FAM135A: variants seen among roughly 807,000 people sequenced by gnomAD.
FAM135A encodes protein FAM135A.
FAM135A carries 79 observed loss-of-function variants against 146.8 expected under a neutral mutation model. The ratio of observed to expected loss-of-function variants is 0.54; its 90% confidence interval spans 0.45 to 0.65. The LOEUF (loss-of-function observed/expected upper bound fraction) is 0.65, where lower values mean the gene tolerates loss of function less well. Among genes scored for constraint, FAM135A ranks in the 30% least tolerant of loss-of-function variants. FAM135A has a pLI of 0.00. For synonymous variants in FAM135A, 562 were observed against 603.6 expected (o/e 0.93, Z 1.01); for missense variants, 1,623 against 1,758.2 (o/e 0.92, Z 1.38).
At chr6:70,502,517 C>A in intron 11 of FAM135A, 119 bp from the exon 12 acceptor site, 1 of 978,594 alleles carries the variant, frequency 1.0e-6, no homozygotes, top group South Asian at 1.8e-5. Context: ...CATACAAATG[C>A]ACATCTCTTT....
intron 4 of FAM135A, among the ~76,000 whole-genome samples, chr6:70,435,081 G>GTATATATA (rs767689681): frequency 4.2e-5 from 4 of 94,276 alleles, no homozygotes; most frequent in South Asian, 3.4e-4. Context: ...GTGTGTGTGT[G>GTATATATA]TATATATATA....
chr6:70,425,831 C>A (rs898903444), intron 2 of FAM135A, among the ~76,000 whole-genome samples: 6 of 152,156 alleles, frequency 3.9e-5, no homozygotes, highest in African/African-American at 1.4e-4. Flanking sequence ...GGGCCGGGCG[C>A]GGTGGCTCAC....
At position 70,481,035 on chromosome 6, in the gene FAM135A, C is replaced by T. The variant is rs747069279; in HGVS notation, c.669+8C>T. 2 of 1,575,018 alleles carry T rather than the reference C, an allele frequency of 1.3e-6. No homozygotes were observed. Among genetic ancestry groups the T allele is most frequent in the South Asian group, 2.4e-5 (2 of 83,390 alleles). On this transcript the variant is annotated splice_region_variant and intron_variant, in intron 9 of 21. Transcript: ENST00000418814. ...AAACAGTTATCACCAGATGTAAGAA[C>T]TGAATATGTTTATAAATCTTCTCCT...
intron 18 of FAM135A, among the ~76,000 whole-genome samples, chr6:70,535,563 C>CT (rs1302826703): frequency 6.6e-6 from 1 of 152,064 alleles, no homozygotes; most frequent in Non-Finnish European, 1.5e-5. Context: ...AATCTAGTGC[C>CT]TGAGTTGGAA....
intron 10 of FAM135A, among the ~76,000 whole-genome samples, chr6:70,489,262 AAAGC>A (rs1436549114): frequency 6.6e-6 from 1 of 152,196 alleles, no homozygotes; most frequent in East Asian, 1.9e-4. Context: ...TTAGTTTTGG[AAAGC>A]CCAATATTAG....
At chr6:70,539,718 G>T (rs141981554) in intron 20 of FAM135A, among the ~76,000 whole-genome samples, 1 of 152,040 alleles carries the variant, frequency 6.6e-6, no homozygotes, top group Non-Finnish European at 1.5e-5. Context: ...TGACACGGCC[G>T]GGCGTGGTGG....
At chr6:70,506,391 A>G (rs2128274209) in intron 12 of FAM135A, among the ~76,000 whole-genome samples, 1 of 152,266 alleles carries the variant, frequency 6.6e-6, no homozygotes, top group Non-Finnish European at 1.5e-5. Context: ...CAAATGGTAA[A>G]CATTTTGGAC....
At chr6:70,491,727 A>C (rs1786022471) in intron 11 of FAM135A, among the ~76,000 whole-genome samples, 1 of 151,922 alleles carries the variant, frequency 6.6e-6, no homozygotes, top group Non-Finnish European at 1.5e-5. Flanking sequence ...AGGATACATC[A>C]GTTTTGTATA....
intron 4 of FAM135A, among the ~76,000 whole-genome samples, chr6:70,441,775 C>T (rs1774546897): frequency 1.3e-5 from 2 of 151,362 alleles, no homozygotes. Flanking sequence ...ACCTCTGCCT[C>T]CTGGGTTCAA....
At chr6:70,469,663 A>G (rs1461735592) in intron 5 of FAM135A, among the ~76,000 whole-genome samples, 1 of 152,148 alleles carries the variant, frequency 6.6e-6, no homozygotes, top group African/African-American at 2.4e-5. Context: ...TGGCTTCACA[A>G]TCTATGTTCC....
intron 15 of FAM135A, among the ~76,000 whole-genome samples, chr6:70,527,578 T>C (rs2128369721): frequency 6.6e-6 from 1 of 152,240 alleles, no homozygotes; most frequent in East Asian, 1.9e-4. Context: ...ATAGACTTTA[T>C]ATATTTTTGG....
chr6:70,446,233 A>G (rs572355361), intron 4 of FAM135A, among the ~76,000 whole-genome samples: 84 of 152,332 alleles, frequency 5.5e-4, no homozygotes, highest in African/African-American at 1.9e-3. Context: ...ATTAAGAGCC[A>G]TTAATAGTTT....
intron 11 of FAM135A, among the ~76,000 whole-genome samples, chr6:70,498,978 A>T (rs185015338): frequency 3.3e-5 from 5 of 152,298 alleles, no homozygotes; most frequent in Non-Finnish European, 7.4e-5. Context: ...AGTTCTGTAG[A>T]TGTCTATTAG....
intron 4 of FAM135A, among the ~76,000 whole-genome samples, chr6:70,448,828 C>G (rs531734618): frequency 6.6e-6 from 1 of 152,346 alleles, no homozygotes; most frequent in East Asian, 1.9e-4. Flanking sequence ...GGAGCATGTC[C>G]TTAAGGCACA....
At position 70,526,140 on chromosome 6, in the gene FAM135A, C is replaced by T; in HGVS notation, c.3056C>T (p.Thr1019Ile). Reference sequence around the variant, plus strand: ...GAAATCCCTACAGTTGAAAGTGAAACTCATCTGGGTACAAGTGATCCTTTT... The same window carrying T: ...GAAATCCCTACAGTTGAAAGTGAAATTCATCTGGGTACAAGTGATCCTTTT... ...YSEIPTVESE[T>I]HLGTSDPFSA... Residue 1019 changes from threonine (T) to isoleucine (I), a missense_variant, in exon 15 of 22, where the codon ACT becomes ATT. Physicochemically the swap from Thr to Ile is moderately conservative, Grantham distance 89. Transcript: ENST00000418814. 1 of 1,613,528 alleles carries T rather than the reference C, an allele frequency of 6.2e-7. No individual in the cohort carries two copies. The highest frequency in any genetic ancestry group is 8.5e-7 in the Non-Finnish European group (1 of 1,179,644).
chr6:70,534,599 A>C (rs1040508227), intron 18 of FAM135A, among the ~76,000 whole-genome samples: 1 of 152,080 alleles, frequency 6.6e-6, no homozygotes, highest in African/African-American at 2.4e-5. Context: ...GATGTGTGCC[A>C]CCTTGCCCAG....
chr6:70,439,673 T>TA (rs1774011094), intron 4 of FAM135A, among the ~76,000 whole-genome samples: 1 of 152,216 alleles, frequency 6.6e-6, no homozygotes, highest in East Asian at 1.9e-4. Flanking sequence ...CTTCATTTGC[T>TA]CTCCTATACT....
intron 2 of FAM135A, among the ~76,000 whole-genome samples, chr6:70,420,202 C>CTT (rs1768509139): frequency 6.6e-6 from 1 of 152,142 alleles, no homozygotes; most frequent in African/African-American, 2.4e-5. Context: ...TACCCTCTAG[C>CTT]TTAGGAGAAA....
At chr6:70,494,230 C>CT (rs1206499931) in intron 11 of FAM135A, among the ~76,000 whole-genome samples, 10 of 151,722 alleles carry the variant, frequency 6.6e-5, no homozygotes, top group Non-Finnish European at 1.2e-4. Flanking sequence ...CTTTTTTCAT[C>CT]TTTTTTTGTT....
Sources: allele counts gnomAD v4.1 joint callset (sites outside exome capture counted in the v4.1 genomes callset), GRCh38; gene constraint gnomAD v4.1.1; transcripts MANE v1.5; gene names NCBI Gene and HGNC (gene_info 2026-07-23, HGNC 2026-07-21).